The following TMEM164 variants were observed in gnomAD, a reference collection of about 807,000 sequenced individuals.
TMEM164 encodes transmembrane protein 164.
Under a neutral mutation model 18.8 loss-of-function variants are expected in TMEM164, and 4 were observed. The ratio of observed to expected loss-of-function variants is 0.21; its 90% CI spans 0.10 to 0.49. The LOEUF (loss-of-function observed/expected upper bound fraction) is 0.49. Ranked by LOEUF, TMEM164 falls within the 20% of genes least tolerant of loss-of-function variation. TMEM164 has a pLI of 0.98. For synonymous variants in TMEM164, 86 were observed against 101.7 expected, an observed-to-expected ratio of 0.85 and a Z score of 0.93; for missense variants, 108 against 239.9, an observed-to-expected ratio of 0.45 and a Z score of 3.63.
intron 5 of TMEM164, among the ~76,000 whole-genome samples, chrX:110,170,441 G>A (rs1033862274): frequency 2.7e-5 from 3 of 112,492 alleles, no homozygotes; most frequent in Non-Finnish European, 3.8e-5. Flanking sequence ...TGAATGAATG[G>A]ATGAATCAGT....
intron 5 of TMEM164, among the ~76,000 whole-genome samples, chrX:110,163,428 G>T (rs759741307): frequency 1.8e-5 from 2 of 111,752 alleles, no homozygotes; most frequent in East Asian, 5.6e-4. Flanking sequence ...TATTTTCCTG[G>T]ATTTCCTTTG....
downstream of TMEM164, among the ~76,000 whole-genome samples, chrX:110,178,053 C>T (rs1430432171): frequency 8.9e-6 from 1 of 112,235 alleles, no homozygotes; most frequent in African/African-American, 3.2e-5. Flanking sequence ...CTCTCTGGTA[C>T]CCAAAGTGCA....
chrX:110,020,463 A>T, intron 2 of TMEM164: 1 of 753,741 alleles, frequency 1.3e-6, no homozygotes, highest in Non-Finnish European at 1.6e-6. Flanking sequence ...GGAGAAGAGG[A>T]GAGCATCATG....
chrX:110,019,106 G>A (rs766208389), intron 2 of TMEM164, among the ~76,000 whole-genome samples: 3 of 111,282 alleles, frequency 2.7e-5, no homozygotes, highest in Non-Finnish European at 5.7e-5. Context: ...TCTTCCCAGT[G>A]TACTCAAGAG....
At chrX:110,104,330 T>C (rs963355980) in intron 3 of TMEM164, among the ~76,000 whole-genome samples, 3 of 111,935 alleles carry the variant, frequency 2.7e-5, no homozygotes, top group African/African-American at 9.8e-5. Flanking sequence ...GAATGCCCTG[T>C]GCCCCTGATC....
rs60563871 is a variant in TMEM164 at position 110,173,609 on chromosome X, T to C, written c.*158T>C. 21,533 of 479,709 alleles carry C rather than the reference T, an allele frequency of 0.045. 3,020 individuals carry two copies. The highest frequency in any genetic ancestry group is 0.44 in the African/African-American group (17,730 of 40,301). The allele number at this position is 479,709 out of a possible 1,213,427, so 39.5% of individuals were successfully genotyped here. On this transcript the variant is annotated 3_prime_UTR_variant, in exon 7 of 7. Coordinates refer to ENST00000372068, the MANE Select transcript of TMEM164 (RefSeq NM_032227.4). The stretch of plus-strand genomic sequence containing the variant: ...TCCCTTTCTTCTACCACTCTTCCTT[T>C]CCCAGCTCTTCCCCCTACGATGTCT...
chrX:110,051,811 GC>G, intron 2 of TMEM164, among the ~76,000 whole-genome samples: 1 of 111,650 alleles, frequency 9.0e-6, no homozygotes, highest in African/African-American at 3.3e-5. Context: ...CCCTTCTCAT[GC>G]CCCAGGTGGT....
chrX:110,073,325 T>C (rs2065624715), intron 3 of TMEM164, among the ~76,000 whole-genome samples: 1 of 112,087 alleles, frequency 8.9e-6, no homozygotes, highest in African/African-American at 3.2e-5. Flanking sequence ...CATGAGCTAC[T>C]ATGCCTGGCT....
In TMEM164 at chrX:110,174,066, C is replaced by T. The variant is rs894298016; in HGVS notation, c.*615C>T. 4.5e-5 allele frequency: 5 copies of T among 112,293 alleles called. No homozygotes were observed. Among genetic ancestry groups the T allele is most frequent in the Non-Finnish European group, 7.4e-5 (4 of 53,787 alleles). The allele number at this position is 112,293 out of a possible 1,213,427, so 9.3% of individuals were successfully genotyped here. A position where few individuals can be genotyped will look rare whatever the true frequency, so the allele number is the denominator to read the frequency against. ...CCAGCCACTCCCTCCAGGATGCTGCCTGGGGTGGGAGGTGAGAGCACCACC... is the reference window on the plus strand; with the variant it reads ...CCAGCCACTCCCTCCAGGATGCTGCTTGGGGTGGGAGGTGAGAGCACCACC... On this transcript the variant is annotated 3_prime_UTR_variant, in exon 7 of 7. Coordinates refer to ENST00000372068, the MANE Select transcript of TMEM164 (RefSeq NM_032227.4).
In TMEM164 at chrX:110,140,314, G is replaced by C. The variant is rs745844913; in HGVS notation, c.508-4484G>C. 7.1e-5 allele frequency among the ~76,000 whole-genome samples: 8 copies of C among 111,906 alleles called. No homozygotes were observed. The East Asian group carries it at 1.7e-3, about 24-fold the overall frequency. On this transcript the variant is annotated intron_variant, in intron 4 of 6. Coordinates refer to ENST00000372068, the MANE Select transcript of TMEM164 (RefSeq NM_032227.4). Reference sequence around the variant, plus strand: ...TTTAGAAACATCTGTGAGGCACAGAGAGGCACTCCCTTGGCCCAGTTGTGT... The same window carrying C: ...TTTAGAAACATCTGTGAGGCACAGACAGGCACTCCCTTGGCCCAGTTGTGT...
intron 2 of TMEM164, chrX:110,020,767 G>T: frequency 3.3e-6 from 2 of 612,179 alleles, no homozygotes; most frequent in Non-Finnish European, 3.9e-6. Flanking sequence ...TTGCATGCCA[G>T]AATATTTATG....
At chrX:110,078,583 C>T (rs1312715051) in intron 3 of TMEM164, among the ~76,000 whole-genome samples, 1 of 111,357 alleles carries the variant, frequency 9.0e-6, no homozygotes, top group Non-Finnish European at 1.9e-5. Context: ...TTTGGGAGGC[C>T]GAGGCAGGTG....
intron 2 of TMEM164, among the ~76,000 whole-genome samples, chrX:110,033,439 G>A (rs776298581): frequency 3.6e-5 from 4 of 112,045 alleles, no homozygotes; most frequent in African/African-American, 1.3e-4. Flanking sequence ...CTACACTTCA[G>A]ACCATTTCTA....
intron 3 of TMEM164, among the ~76,000 whole-genome samples, chrX:110,106,507 G>C (rs940865538): frequency 9.1e-6 from 1 of 110,055 alleles, no homozygotes; most frequent in Non-Finnish European, 1.9e-5. Context: ...CTGAGTAGCT[G>C]GGACTACAGA....
rs376536257 is a variant in TMEM164, at chrX:110,038,145, T to G, written c.391-29202T>G. On this transcript the variant is annotated intron_variant, in intron 2 of 6. Transcript: ENST00000372068. ...AGCTGGGACTACAGGCGCCCGCCAC[T>G]ACGCCCGGCTAATTTTTTGTATTTT... Among the ~76,000 whole-genome samples, 74 of 107,884 alleles carry G rather than the reference T, an allele frequency of 6.9e-4. No homozygotes were observed. The East Asian group carries it at 0.021, about 30-fold the overall frequency. The allele number at this position is 107,884 out of a possible 115,157, so 93.7% of individuals were successfully genotyped here. A position where few individuals can be genotyped will look rare whatever the true frequency, so the allele number is the denominator to read the frequency against.
intron 2 of TMEM164, among the ~76,000 whole-genome samples, chrX:110,034,477 A>G (rs1017061930): frequency 2.7e-5 from 3 of 112,285 alleles, no homozygotes; most frequent in African/African-American, 9.7e-5. Flanking sequence ...CAACTACTCA[A>G]CTCTGCTATT....
intron 4 of TMEM164, among the ~76,000 whole-genome samples, chrX:110,114,805 G>A (rs914455513): frequency 8.9e-6 from 1 of 112,174 alleles, no homozygotes; most frequent in African/African-American, 3.2e-5. Context: ...ACTAGGAGAA[G>A]CATGATAATT....
intron 2 of TMEM164, among the ~76,000 whole-genome samples, chrX:110,054,375 A>G (rs1033520630): frequency 8.9e-6 from 1 of 112,209 alleles, no homozygotes; most frequent in Non-Finnish European, 1.9e-5. Context: ...ACAAATACCA[A>G]TGGAGTTCAG....
At chrX:110,037,984 A>ATTTTTTT (rs1036705725) in intron 2 of TMEM164, among the ~76,000 whole-genome samples, 2 of 72,710 alleles carry the variant, frequency 2.8e-5, no homozygotes, top group Non-Finnish European at 5.0e-5. Context: ...CTTTGGACTC[A>ATTTTTTT]TTTTTTTTTT....
Sources: allele counts gnomAD v4.1 joint callset (sites outside exome capture counted in the v4.1 genomes callset), GRCh38; gene constraint gnomAD v4.1.1; transcripts MANE v1.5; gene names NCBI Gene and HGNC (gene_info 2026-07-23, HGNC 2026-07-21).